NPC1: variants seen among roughly 807,000 people sequenced by gnomAD.
NPC1 encodes the protein Niemann-Pick C1 protein.
In NPC1, 85 loss-of-function variants were observed where a neutral mutation model predicts 140.4. The observed-to-expected ratio is 0.61, with a 90% confidence interval of 0.51 to 0.72. NPC1 has a LOEUF of 0.72. Ranked by LOEUF, NPC1 falls within the 30% of genes least tolerant of loss-of-function variation. NPC1 has a pLI of 0.00. For missense variants in NPC1, 1,504 were observed against 1,623.8 expected (o/e 0.93, Z 1.27); for synonymous variants, 656 against 624.8 (o/e 1.05, Z -0.74).
At chr18:23,549,767 G>C (rs1356555410) in intron 10 of NPC1, among the ~76,000 whole-genome samples, 1 of 138,332 alleles carries the variant, frequency 7.2e-6, no homozygotes, top group Non-Finnish European at 1.5e-5. Flanking sequence ...TTAAGACGGA[G>C]TCTTGCTCTT....
chr18:23,565,032 T>C (rs2059102846), intron 4 of NPC1, among the ~76,000 whole-genome samples: 1 of 152,238 alleles, frequency 6.6e-6, no homozygotes, highest in Admixed American at 6.5e-5. Flanking sequence ...TCTATATGTC[T>C]ATCTTTATTC....
chr18:23,560,581 C>T, intron 5 of NPC1, 101 bp from the exon 6 acceptor site: 2 of 1,201,630 alleles, frequency 1.7e-6, no homozygotes, highest in Non-Finnish European at 2.4e-6. Context: ...ATACATAAAA[C>T]AACTGAAAGA....
At position 23,506,770 on chromosome 18, in the gene NPC1, T is replaced by TG. The variant is rs541379386; in HGVS notation, c.432-129dup. 3.2e-5 allele frequency: 15 copies of TG among 469,174 alleles called. No homozygotes were observed. The East Asian group carries it at 6.3e-4, about 20-fold the overall frequency. 29.1% of individuals were successfully genotyped at this position (469,174 alleles called of 1,614,324 possible). ...TTCAATCACTTGTTACCCATAATAC[T>TG]GTAAGTTTCCCAGCAAGTTCTTTCC... On this transcript the variant is annotated intron_variant, in intron 3 of 3. Transcript: ENST00000591107.
At chr18:23,508,152 G>A (rs1362281506) in intron 3 of NPC1, 3 of 946,268 alleles carry the variant, frequency 3.2e-6, no homozygotes, top group East Asian at 5.7e-5. Flanking sequence ...AAGTCAGACT[G>A]TCCCTCATGT....
chr18:23,585,438 C>A (rs2059406264), intron 1 of NPC1, among the ~76,000 whole-genome samples: 1 of 152,196 alleles, frequency 6.6e-6, no homozygotes, highest in Non-Finnish European at 1.5e-5. Flanking sequence ...AACCCCCTCT[C>A]CCCTGATTCA....
At chr18:23,544,266 G>T (rs966064662) in intron 13 of NPC1, 78 bp downstream of exon 13, 1 of 1,391,662 alleles carries the variant, frequency 7.2e-7, no homozygotes, top group East Asian at 2.3e-5. Context: ...TCACACTCAC[G>T]AATGCGGAGC....
rs535506370 is a variant in NPC1, at chr18:23,586,268, G to C, written c.57+19C>G. On this transcript the variant is annotated intron_variant, in intron 1 of 24. Coordinates refer to ENST00000269228, the MANE Select transcript of NPC1 (RefSeq NM_000271.5). Reference sequence around the variant, plus strand: ...CGCCACGTCCCCACAGGGCGTCCCGGTGGCCGGCGACCGCTCACCTGCGCT... The same window carrying C: ...CGCCACGTCCCCACAGGGCGTCCCGCTGGCCGGCGACCGCTCACCTGCGCT... 2.0e-6 allele frequency: 3 copies of C among 1,531,634 alleles called. No homozygotes were observed. In the South Asian group the frequency reaches 3.6e-5, roughly 18 times the overall value. The allele number at this position is 1,531,634 out of a possible 1,614,324, so 94.9% of individuals were successfully genotyped here. A position where few individuals can be genotyped will look rare whatever the true frequency, so the allele number is the denominator to read the frequency against.
At chr18:23,578,464 G>A (rs1345001776) in intron 1 of NPC1, among the ~76,000 whole-genome samples, 1 of 152,202 alleles carries the variant, frequency 6.6e-6, no homozygotes, top group Non-Finnish European at 1.5e-5. Context: ...CTCAACAGCT[G>A]CACAATGGGA....
intron 1 of NPC1, among the ~76,000 whole-genome samples, chr18:23,523,841 T>C (rs543245030): frequency 3.9e-5 from 6 of 152,222 alleles, no homozygotes; most frequent in Non-Finnish European, 8.8e-5. Context: ...AACGTGCATA[T>C]GTAAACGATC....
chr18:23,550,286 C>CA (rs1281990619), intron 10 of NPC1, among the ~76,000 whole-genome samples: 5 of 152,022 alleles, frequency 3.3e-5, no homozygotes, highest in Non-Finnish European at 7.4e-5. Context: ...GCTGGGATTA[C>CA]AGGCATGAAT....
At chr18:23,578,959 C>T (rs773237735) in intron 1 of NPC1, among the ~76,000 whole-genome samples, 1 of 152,248 alleles carries the variant, frequency 6.6e-6, no homozygotes, top group African/African-American at 2.4e-5. Flanking sequence ...CTGCCGCTTG[C>T]CTCTTCCGGA....
chr18:23,548,710 A>C (rs1416606308), intron 10 of NPC1, among the ~76,000 whole-genome samples: 1 of 152,180 alleles, frequency 6.6e-6, no homozygotes, highest in Non-Finnish European at 1.5e-5. Flanking sequence ...TTTTTCTATT[A>C]CAAAGTTACT....
downstream of NPC1, chr18:23,520,199 C>G: frequency 6.2e-7 from 1 of 1,609,708 alleles, no homozygotes; most frequent in Non-Finnish European, 8.5e-7. Context: ...TTTTCCCCCC[C>G]AGACATCGGT....
At chr18:23,585,777 A>G (rs2059410927) in intron 1 of NPC1, among the ~76,000 whole-genome samples, 1 of 152,156 alleles carries the variant, frequency 6.6e-6, no homozygotes, top group Admixed American at 6.5e-5. Context: ...ATGAAAAGTA[A>G]CCTGCCCTCT....
Position 23,536,780 on chromosome 18 carries a change from C to A in NPC1, c.3138G>T (p.Gln1046His), listed in dbSNP as rs1385614579. 1.9e-6 allele frequency: 3 copies of A among 1,614,074 alleles called. No homozygotes were observed. The highest frequency in any genetic ancestry group is 1.3e-5 in the African/African-American group (1 of 74,934). ...GAGCGTCAATAAAGTCAGCAGAGGT[C>A]TGCAGCACGGTGTGGTAGGTCATGA... ...TYFMTYHTVLQTSADFIDALK... is the reference protein window; with the variant it reads ...TYFMTYHTVLHTSADFIDALK... Residue 1046 changes from glutamine (Q) to histidine (H), a missense_variant, in exon 21 of 25, where the codon CAG (glutamine) becomes CAT (histidine). Physicochemically the swap from Gln to His is conservative, Grantham distance 24 (BLOSUM62 0). Transcript: ENST00000269228.
intron 3 of NPC1, chr18:23,509,411 C>T: frequency 3.0e-6 from 1 of 334,796 alleles, no homozygotes; most frequent in Non-Finnish European, 5.3e-6. Flanking sequence ...GCTCTGTTGC[C>T]CAGGCTGCAG....
At chr18:23,512,811 T>C (rs188396644) in intron 3 of NPC1, among the ~76,000 whole-genome samples, 1 of 152,318 alleles carries the variant, frequency 6.6e-6, no homozygotes, top group South Asian at 2.1e-4. Flanking sequence ...AGTTCAGTAG[T>C]GTTAAGTATA....
chr18:23,550,479 C>CTTCTTTTTTTTTTTTTTT (rs746388624), intron 10 of NPC1, among the ~76,000 whole-genome samples: 21 of 74,948 alleles, frequency 2.8e-4, no homozygotes, highest in African/African-American at 1.2e-3. Flanking sequence ...TCTTACATTT[C>CTTCTTTTTTTTTTTTTTT]TTTTTTTTTT....
intron 1 of NPC1, 102 bp from the exon 2 acceptor site, chr18:23,573,676 C>G: frequency 7.2e-7 from 1 of 1,394,582 alleles, no homozygotes; most frequent in Non-Finnish European, 1.0e-6. Flanking sequence ...TCCAATGCTA[C>G]CTGCAAAATT....
Sources: gnomAD v4.1 joint callset for allele counts (sites outside exome capture counted in the v4.1 genomes callset) on GRCh38, gnomAD v4.1.1 for gene constraint, MANE v1.5 for transcripts, NCBI Gene and HGNC (gene_info 2026-07-23, HGNC 2026-07-21) for gene names.